NCEH1: variants seen among roughly 807,000 people sequenced by gnomAD.
The protein encoded by NCEH1 is neutral cholesterol ester hydrolase 1, also known as 2-acetyl MAGE hydrolase.
Under a neutral mutation model 25.4 loss-of-function variants are expected in NCEH1, and 9 were observed. That is an observed-to-expected ratio of 0.35 (90% CI 0.21 to 0.62). NCEH1 has a LOEUF of 0.62. Among genes scored for constraint, NCEH1 ranks in the 20% least tolerant of loss-of-function variants. The probability of loss-of-function intolerance (pLI) is 0.72; values close to 1 mark genes in which losing one functional copy is unlikely to be tolerated. For synonymous variants in NCEH1, 200 were observed against 199.8 expected, an observed-to-expected ratio of 1.00 and a Z score of -0.01; for missense variants, 412 against 501.1, an observed-to-expected ratio of 0.82 and a Z score of 1.70.
intron 1 of NCEH1, among the ~76,000 whole-genome samples, chr3:172,657,079 G>C (rs1481102789): frequency 1.3e-5 from 2 of 151,724 alleles, no homozygotes; most frequent in Non-Finnish European, 2.9e-5. Flanking sequence ...CTGACCACTG[G>C]CCCTTTAAAT....
chr3:172,650,183 T>C (rs989955392), intron 1 of NCEH1, among the ~76,000 whole-genome samples: 1 of 152,134 alleles, frequency 6.6e-6, no homozygotes, highest in Non-Finnish European at 1.5e-5. Flanking sequence ...AACACAGTGG[T>C]GTGGGGGTAG....
At chr3:172,649,036 G>C (rs1045574391) in intron 1 of NCEH1, among the ~76,000 whole-genome samples, 1 of 152,150 alleles carries the variant, frequency 6.6e-6, no homozygotes, top group Non-Finnish European at 1.5e-5. Flanking sequence ...AAACAATGTT[G>C]CTAGCAGAAA....
intron 1 of NCEH1, among the ~76,000 whole-genome samples, chr3:172,671,510 C>CATACACACAT (rs34527356): frequency 6.9e-6 from 1 of 144,512 alleles, no homozygotes; most frequent in African/African-American, 2.6e-5. Context: ...TACACATACA[C>CATACACACAT]ACACACACAC....
intron 4 of NCEH1, among the ~76,000 whole-genome samples, 186 bp downstream of exon 4, chr3:172,635,730 T>C (rs1432041207): frequency 6.6e-6 from 1 of 152,178 alleles, no homozygotes; most frequent in Non-Finnish European, 1.5e-5. Flanking sequence ...CTTCCTCCAA[T>C]GACTCATCTT....
intron 1 of NCEH1, among the ~76,000 whole-genome samples, chr3:172,662,513 A>AT (rs1184081971): frequency 6.6e-6 from 1 of 152,010 alleles, no homozygotes; most frequent in African/African-American, 2.4e-5. Context: ...CTCTTTTTCT[A>AT]TGATTGGAAT....
intron 1 of NCEH1, 108 bp downstream of exon 1, chr3:172,710,739 C>T: frequency 7.9e-7 from 1 of 1,260,518 alleles, no homozygotes; most frequent in South Asian, 1.4e-5. Flanking sequence ...AGCCTCAATG[C>T]ATTAGGAAAA....
chr3:172,703,421 G>A (rs932271825), intron 1 of NCEH1, among the ~76,000 whole-genome samples: 2 of 151,370 alleles, frequency 1.3e-5, no homozygotes, highest in East Asian at 1.9e-4. Flanking sequence ...CCAGCTACTC[G>A]GGAGGCTGAG....
Position 172,676,381 on chromosome 3 carries a change from T to C in NCEH1, c.139-28267A>G, listed in dbSNP as rs140157435. 4.7e-4 allele frequency among the ~76,000 whole-genome samples: 72 copies of C among 152,298 alleles called. No individual in the cohort carries two copies. In the East Asian group the frequency reaches 9.1e-3, roughly 19 times the overall value. ...TTGTCACCATGTGTGCCAAGTGTCA[T>C]GGCTACCTCCAGATAATACCATGTG... On this transcript the variant is annotated intron_variant, in intron 1 of 4. Coordinates refer to ENST00000475381, the MANE Select transcript of NCEH1 (RefSeq NM_020792.6).
intron 1 of NCEH1, among the ~76,000 whole-genome samples, chr3:172,649,024 G>A (rs571552489): frequency 3.3e-5 from 5 of 152,222 alleles, no homozygotes; most frequent in African/African-American, 7.2e-5. Flanking sequence ...ATAAGATCAC[G>A]GAAACAATGT....
intron 1 of NCEH1, among the ~76,000 whole-genome samples, chr3:172,694,690 C>T (rs1017981287): frequency 2.0e-5 from 3 of 152,180 alleles, no homozygotes; most frequent in Non-Finnish European, 4.4e-5. Context: ...TCAGGTTCCT[C>T]GGCTTCTCAG....
In NCEH1 at chr3:172,631,019, A is replaced by G. The variant is rs1020794073; in HGVS notation, c.*2456T>C. On this transcript the variant is annotated 3_prime_UTR_variant, in exon 5 of 5. Coordinates refer to ENST00000475381, the MANE Select transcript of NCEH1 (RefSeq NM_020792.6). Reference sequence around the variant, plus strand: ...ATAGGAAAAGAAAGCCACAGTACTAAAAAAAAAAAATCAATCTGCAGAGTG... The same window carrying G: ...ATAGGAAAAGAAAGCCACAGTACTAGAAAAAAAAAATCAATCTGCAGAGTG... 3.7e-4 allele frequency: 53 copies of G among 145,098 alleles called. No homozygotes were observed. The highest frequency in any genetic ancestry group is 1.2e-3 in the African/African-American group (45 of 38,394). The allele number at this position is 145,098 out of a possible 1,614,324, so 9.0% of individuals were successfully genotyped here.
At chr3:172,640,246 C>A (rs1716788278) in intron 3 of NCEH1, among the ~76,000 whole-genome samples, 1 of 152,192 alleles carries the variant, frequency 6.6e-6, no homozygotes, top group Non-Finnish European at 1.5e-5. Context: ...TTTTACTTTT[C>A]ACCATCACCC....
At chr3:172,701,424 T>TA (rs1256068100) in intron 1 of NCEH1, among the ~76,000 whole-genome samples, 2 of 150,050 alleles carry the variant, frequency 1.3e-5, no homozygotes, top group Non-Finnish European at 3.0e-5. Context: ...TCACCTGGAT[T>TA]AGTGCTTCCT....
chr3:172,675,394 T>C (rs1376595264), intron 1 of NCEH1, among the ~76,000 whole-genome samples: 4 of 151,864 alleles, frequency 2.6e-5, no homozygotes, highest in African/African-American at 4.8e-5. Context: ...TGTATACCTA[T>C]GTAACAAACC....
chr3:172,695,743 A>G (rs756660312), intron 1 of NCEH1, among the ~76,000 whole-genome samples: 4 of 152,270 alleles, frequency 2.6e-5, no homozygotes, highest in Non-Finnish European at 5.9e-5. Context: ...CAGGAGTTTG[A>G]GACCAGCCTG....
chr3:172,684,064 G>A (rs1331844732), intron 1 of NCEH1, among the ~76,000 whole-genome samples: 1 of 152,184 alleles, frequency 6.6e-6, no homozygotes, highest in Non-Finnish European at 1.5e-5. Context: ...AAATGAATGA[G>A]GGAGTGACTA....
At chr3:172,659,270 T>C (rs537549984) in intron 1 of NCEH1, among the ~76,000 whole-genome samples, 1 of 149,582 alleles carries the variant, frequency 6.7e-6, no homozygotes, top group South Asian at 2.1e-4. Flanking sequence ...GGCAGCCAAA[T>C]TCTTTTATCG....
chr3:172,682,294 A>T (rs1235581821), intron 1 of NCEH1, among the ~76,000 whole-genome samples: 4 of 152,178 alleles, frequency 2.6e-5, no homozygotes, highest in African/African-American at 9.7e-5. Flanking sequence ...GAAGGCTTCT[A>T]AGACTTCCAG....
chr3:172,679,007 C>G (rs939104617), intron 1 of NCEH1, among the ~76,000 whole-genome samples: 1 of 152,222 alleles, frequency 6.6e-6, no homozygotes, highest in Admixed American at 6.5e-5. Flanking sequence ...TAACCTGACG[C>G]ATCCACCCTA....
Sources: gnomAD v4.1 joint callset for allele counts (sites outside exome capture counted in the v4.1 genomes callset) on GRCh38, gnomAD v4.1.1 for gene constraint, MANE v1.5 for transcripts, NCBI Gene and HGNC (gene_info 2026-07-23, HGNC 2026-07-21) for gene names.